COL6A5: variants seen among roughly 807,000 people sequenced by gnomAD.
COL6A5 encodes the protein collagen type VI alpha 5 chain.
In COL6A5, 48 loss-of-function variants were observed where a neutral mutation model predicts 65.6. The ratio of observed to expected loss-of-function variants is 0.73; its 90% CI spans 0.58 to 0.93. The LOEUF (loss-of-function observed/expected upper bound fraction) is 0.93, where lower values mean the gene tolerates loss of function less well. COL6A5 is among the 40% of genes least tolerant of loss of function. The pLI, the probability that COL6A5 is intolerant of heterozygous loss-of-function variation, is 0.00. For missense variants in COL6A5, 914 were observed against 928.3 expected (o/e 0.98, Z 0.20); for synonymous variants, 291 against 322.8 (o/e 0.90, Z 1.05).
exon 6 of COL6A5, chr3:130,469,223 A>C: frequency 6.2e-7 from 1 of 1,613,264 alleles, no homozygotes; most frequent in Non-Finnish European, 8.5e-7. Flanking sequence ...TCTGAGGAAA[A>C]ACAAAGTTAT....
At chr3:130,378,444 T>C (rs6804176) in intron 3 of COL6A5, among the ~76,000 whole-genome samples, 1,713 of 152,314 alleles carry the variant, frequency 0.011, 26 homozygotes, top group African/African-American at 0.039. Flanking sequence ...TCTTAGCAGC[T>C]GTAATACTTG....
chr3:130,431,889 C>T, exon 1 of COL6A5: 3 of 1,551,552 alleles, frequency 1.9e-6, no homozygotes, highest in Non-Finnish European at 1.7e-6. Context: ...AGTTTAGTGC[C>T]CTGGATATCA....
intron 1 of COL6A5, among the ~76,000 whole-genome samples, chr3:130,434,571 T>A (rs1317641550): frequency 6.6e-6 from 1 of 152,224 alleles, no homozygotes; most frequent in Non-Finnish European, 1.5e-5. Flanking sequence ...AAAGCATTCC[T>A]ATTTATCCAC....
At position 130,442,379 on chromosome 3, in the gene COL6A5, C is replaced by A. The variant is rs78514604; in HGVS notation, c.1242-1097C>A. Among the ~76,000 whole-genome samples the A allele has an allele frequency of 3.3e-5, 5 of 150,818 alleles. No individual in the cohort carries two copies. In the East Asian group the frequency reaches 9.9e-4, roughly 30 times the overall value. ...CAGAGTCATTGGTATCCATTTTTTT[C>A]TATGCAATTTTGTTCTTTGTGCCAT... is the stretch of plus-strand genomic sequence containing the variant. On this transcript the variant is annotated intron_variant, in intron 3 of 7. Coordinates refer to ENST00000512836, the Ensembl canonical transcript of COL6A5.
intron 1 of COL6A5, among the ~76,000 whole-genome samples, chr3:130,433,500 A>T (rs1199523781): frequency 6.6e-6 from 1 of 152,192 alleles, no homozygotes; most frequent in African/African-American, 2.4e-5. Context: ...CCACACAGTC[A>T]TTCTGACTGC....
intron 4 of COL6A5, among the ~76,000 whole-genome samples, chr3:130,450,634 A>G (rs758907276): frequency 6.6e-6 from 1 of 152,192 alleles, no homozygotes; most frequent in Non-Finnish European, 1.5e-5. Flanking sequence ...TTGCATTTTC[A>G]AAAGCTAACA....
chr3:130,450,373 C>T (rs1709404747), intron 4 of COL6A5, among the ~76,000 whole-genome samples: 1 of 152,142 alleles, frequency 6.6e-6, no homozygotes, highest in Non-Finnish European at 1.5e-5. Context: ...GTTGAGCCGG[C>T]TTGGCCGCTT....
chr3:130,430,741 C>T (rs1937766690), upstream of COL6A5, among the ~76,000 whole-genome samples: 1 of 152,208 alleles, frequency 6.6e-6, no homozygotes, highest in Non-Finnish European at 1.5e-5. Context: ...GCCAGCTTTC[C>T]TGAAGCCCCT....
chr3:130,417,593 T>G (rs1937381156), intron 24 of COL6A5, among the ~76,000 whole-genome samples: 1 of 152,138 alleles, frequency 6.6e-6, no homozygotes, highest in Admixed American at 6.6e-5. Context: ...GCATCAGAAC[T>G]CAAATCCGTT....
intron 7 of COL6A5, among the ~76,000 whole-genome samples, chr3:130,394,484 A>G (rs950813206): frequency 1.8e-4 from 28 of 152,236 alleles, no homozygotes; most frequent in African/African-American, 6.5e-4. Context: ...GATAACATGA[A>G]TAGTAATAGG....
intron 19 of COL6A5, 23 bp downstream of exon 19, chr3:130,410,097 T>G: frequency 1.3e-6 from 2 of 1,496,178 alleles, no homozygotes; most frequent in South Asian, 1.2e-5. Context: ...GTTTTATCTA[T>G]GAGTTGATTA....
At chr3:130,395,145 G>A (rs761791548) in exon 8 of COL6A5, 2 of 1,551,678 alleles carry the variant, frequency 1.3e-6, no homozygotes, top group South Asian at 2.4e-5. Context: ...GGATTTCCAA[G>A]AATTGACTTT....
chr3:130,458,993 T>C (rs1709640813), intron 5 of COL6A5, among the ~76,000 whole-genome samples: 1 of 152,168 alleles, frequency 6.6e-6, no homozygotes, highest in Non-Finnish European at 1.5e-5. Context: ...CCAAAGATGC[T>C]GTACTATGCT....
At chr3:130,388,664 TC>T (rs1462647683) in exon 6 of COL6A5, 2 of 1,551,054 alleles carry the variant, frequency 1.3e-6, no homozygotes, top group Admixed American at 3.9e-5. Flanking sequence ...AAAATGAAAA[TC>T]TTCATGAAAA....
intron 4 of COL6A5, among the ~76,000 whole-genome samples, chr3:130,381,983 C>T (rs542762640): frequency 1.1e-4 from 17 of 151,888 alleles, no homozygotes; most frequent in Non-Finnish European, 1.6e-4. Flanking sequence ...AATGTTGGTA[C>T]CTGACTTAAG....
At chr3:130,468,459 T>C (rs1709868858) in intron 5 of COL6A5, among the ~76,000 whole-genome samples, 1 of 152,108 alleles carries the variant, frequency 6.6e-6, no homozygotes, top group African/African-American at 2.4e-5. Context: ...TCAAGTTTTT[T>C]AGCCATGTGG....
chr3:130,394,348 C>T (rs1936512475), intron 7 of COL6A5, among the ~76,000 whole-genome samples: 1 of 152,166 alleles, frequency 6.6e-6, no homozygotes, highest in African/African-American at 2.4e-5. Flanking sequence ...GTCACTTAGC[C>T]TCTGAATTCT....
exon 5 of COL6A5, chr3:130,385,061 T>G: frequency 1.3e-6 from 2 of 1,550,998 alleles, no homozygotes; most frequent in Non-Finnish European, 1.7e-6. Context: ...TGGTGGAACT[T>G]ATACTGGGAA....
chr3:130,418,987 A>G (rs1937445066), intron 25 of COL6A5, 56 bp downstream of exon 25: 1 of 1,433,564 alleles, frequency 7.0e-7, no homozygotes, highest in African/African-American at 1.4e-5. Flanking sequence ...GTTCCAAGGT[A>G]AAGAGAAGGG....
Sources: gnomAD v4.1 joint callset for allele counts (sites outside exome capture counted in the v4.1 genomes callset) on GRCh38, gnomAD v4.1.1 for gene constraint, MANE v1.5 for transcripts, NCBI Gene and HGNC (gene_info 2026-07-23, HGNC 2026-07-21) for gene names.